Variants in PTPRD observed in about 807,000 individuals in gnomAD.
The protein encoded by PTPRD is receptor-type tyrosine-protein phosphatase delta.
Under a neutral mutation model 214.5 loss-of-function variants are expected in PTPRD, and 34 were observed. That is an observed-to-expected ratio of 0.16 (90% CI 0.12 to 0.21). The LOEUF is 0.21. PTPRD is among the 10% of genes least tolerant of loss of function. PTPRD has a pLI of 1.00. For synonymous variants in PTPRD, 1,128 were observed against 845.7 expected (o/e 1.33, Z -5.79); for missense variants, 2,545 against 2,398.7 (o/e 1.06, Z -1.27).
chr9:8,843,469 G>C (rs551242562), intron 11 of PTPRD, among the ~76,000 whole-genome samples: 90 of 152,268 alleles, frequency 5.9e-4, no homozygotes, highest in African/African-American at 2.0e-3. Flanking sequence ...GTAGACTAGG[G>C]CTGTCTAATA....
chr9:8,929,608 T>C (rs899648614), intron 11 of PTPRD, among the ~76,000 whole-genome samples: 1 of 151,404 alleles, frequency 6.6e-6, no homozygotes, highest in Non-Finnish European at 1.5e-5. Flanking sequence ...TTATTGAGGA[T>C]TTTTGCATCG....
chr9:8,880,347 G>C (rs550773489), intron 11 of PTPRD, among the ~76,000 whole-genome samples: 40 of 152,280 alleles, frequency 2.6e-4, no homozygotes, highest in African/African-American at 9.4e-4. Flanking sequence ...TTCAATGCTA[G>C]GTCTGGCGCA....
intron 10 of PTPRD, among the ~76,000 whole-genome samples, chr9:9,037,811 G>C (rs185714693): frequency 1.0e-3 from 152 of 152,260 alleles, no homozygotes; most frequent in African/African-American, 3.6e-3. Flanking sequence ...CAGATTGTTG[G>C]AGGGTCTTAT....
intron 9 of PTPRD, among the ~76,000 whole-genome samples, chr9:9,253,921 C>A (rs573620670): frequency 3.9e-5 from 6 of 152,172 alleles, no homozygotes; most frequent in African/African-American, 1.4e-4. Context: ...TTGCTCTGTG[C>A]CTAGTTCAGC....
intron 11 of PTPRD, among the ~76,000 whole-genome samples, chr9:8,966,965 C>T (rs2099199733): frequency 6.6e-6 from 1 of 151,530 alleles, no homozygotes. Context: ...AATAAATAAG[C>T]CCATGAAAAA....
chr9:9,847,269 A>T (rs2153656146), intron 5 of PTPRD, among the ~76,000 whole-genome samples: 1 of 152,252 alleles, frequency 6.6e-6, no homozygotes, highest in East Asian at 1.9e-4. Context: ...TTTTCACTTC[A>T]ATGGGACACA....
intron 6 of PTPRD, among the ~76,000 whole-genome samples, chr9:9,740,933 G>T (rs1395727140): frequency 6.6e-6 from 1 of 152,108 alleles, no homozygotes; most frequent in African/African-American, 2.4e-5. Context: ...CTATGTGGCT[G>T]AAGTCTGAGG....
chr9:9,466,366 T>G (rs1169897724), intron 8 of PTPRD, among the ~76,000 whole-genome samples: 1 of 152,170 alleles, frequency 6.6e-6, no homozygotes, highest in Admixed American at 6.5e-5. Flanking sequence ...CAGATCAGTG[T>G]TCTAGATGAA....
intron 11 of PTPRD, among the ~76,000 whole-genome samples, chr9:8,769,860 G>A (rs889892919): frequency 1.3e-5 from 2 of 151,142 alleles, no homozygotes; most frequent in African/African-American, 4.9e-5. Flanking sequence ...CCCAATCCAA[G>A]GATGCCAGTA....
At chr9:9,244,848 C>T (rs991384871) in intron 9 of PTPRD, among the ~76,000 whole-genome samples, 11 of 152,112 alleles carry the variant, frequency 7.2e-5, no homozygotes, top group African/African-American at 1.9e-4. Context: ...AGTGAACAGG[C>T]AACCTACAGA....
intron 2 of PTPRD, among the ~76,000 whole-genome samples, chr9:10,506,808 T>C (rs1259597269): frequency 6.6e-6 from 1 of 152,070 alleles, no homozygotes; most frequent in African/African-American, 2.4e-5. Flanking sequence ...GTACTTCAAT[T>C]TGGGTTTGCG....
intron 14 of PTPRD, among the ~76,000 whole-genome samples, chr9:8,571,330 A>G (rs1251422436): frequency 1.3e-5 from 2 of 152,134 alleles, no homozygotes; most frequent in African/African-American, 4.8e-5. Flanking sequence ...ATAGCTAACA[A>G]TTACACGCTA....
At chr9:10,461,160 T>C (rs2131291287) in intron 2 of PTPRD, among the ~76,000 whole-genome samples, 1 of 151,778 alleles carries the variant, frequency 6.6e-6, no homozygotes, top group South Asian at 2.1e-4. Context: ...CACCACTAAT[T>C]CCACAGGAAA....
chr9:10,572,304 A>G (rs1299926300), intron 2 of PTPRD, among the ~76,000 whole-genome samples: 3 of 152,182 alleles, frequency 2.0e-5, no homozygotes. Flanking sequence ...ATCTAGCTCT[A>G]CTGTAGGACT....
chr9:8,753,941 T>G (rs1223395672), intron 11 of PTPRD, among the ~76,000 whole-genome samples: 1 of 151,848 alleles, frequency 6.6e-6, no homozygotes, highest in Non-Finnish European at 1.5e-5. Flanking sequence ...GGTCAGGAGT[T>G]CAAGACCAGC....
At chr9:9,008,253 G>C (rs1345864932) in intron 11 of PTPRD, among the ~76,000 whole-genome samples, 7 of 42,610 alleles carry the variant, frequency 1.6e-4, no homozygotes, top group Admixed American at 4.9e-4. Flanking sequence ...TTTTGAGACA[G>C]AGTCTCACTC....
intron 3 of PTPRD, among the ~76,000 whole-genome samples, chr9:10,249,373 C>G (rs151246637): frequency 6.6e-6 from 1 of 152,074 alleles, no homozygotes; most frequent in African/African-American, 2.4e-5. Context: ...TTCTCAGCGT[C>G]TCTTCTTGTT....
chr9:8,980,982 G>C (rs1424426354), intron 11 of PTPRD, among the ~76,000 whole-genome samples: 2 of 152,066 alleles, frequency 1.3e-5, no homozygotes, highest in Admixed American at 1.3e-4. Flanking sequence ...AGCATTATGA[G>C]TATGGGCCTC....
intron 43 of PTPRD, among the ~76,000 whole-genome samples, chr9:8,338,549 C>T (rs1019753858): frequency 1.3e-5 from 2 of 152,042 alleles, no homozygotes; most frequent in South Asian, 4.1e-4. Flanking sequence ...AAAACAACAA[C>T]ATATTTAGAG....
Sources: gnomAD v4.1 joint callset for allele counts (sites outside exome capture counted in the v4.1 genomes callset) on GRCh38, gnomAD v4.1.1 for gene constraint, MANE v1.5 for transcripts, NCBI Gene and HGNC (gene_info 2026-07-23, HGNC 2026-07-21) for gene names.